Variants in ATP10D observed in about 807,000 individuals in gnomAD.
The protein encoded by ATP10D is ATPase phospholipid transporting 10D (putative), also known as phospholipid-transporting ATPase VD.
In ATP10D, 89 loss-of-function variants were observed where a neutral mutation model predicts 144.8. The observed-to-expected ratio is 0.61, with a 90% confidence interval of 0.52 to 0.73. The LOEUF is 0.73. ATP10D is among the 30% of genes least tolerant of loss of function. The probability of loss-of-function intolerance (pLI) is 0.00; values close to 1 mark genes in which losing one functional copy is unlikely to be tolerated. For synonymous variants in ATP10D, 571 were observed against 615.1 expected, an observed-to-expected ratio of 0.93 and a Z score of 1.06; for missense variants, 1,603 against 1,714.8, an observed-to-expected ratio of 0.93 and a Z score of 1.15.
At position 47,559,043 on chromosome 4, in the gene ATP10D, G is replaced by A; in HGVS notation, c.2541+14G>A. On this transcript the variant is annotated intron_variant, in intron 13 of 22. Coordinates refer to ENST00000273859, the MANE Select transcript of ATP10D (RefSeq NM_020453.4). Reference sequence around the variant, plus strand: ...ATAGCAAAGAAGGTGAGACTGCTTAGTGCGCTCCATCTTTTTTGTTTTTTC... The same window carrying A: ...ATAGCAAAGAAGGTGAGACTGCTTAATGCGCTCCATCTTTTTTGTTTTTTC... 2 of 1,593,390 alleles carry A rather than the reference G, an allele frequency of 1.3e-6. No individual in the cohort carries two copies. Among genetic ancestry groups the A allele is most frequent in the Non-Finnish European group, 1.7e-6 (2 of 1,164,100 alleles).
chr4:47,557,849 AC>A lies in ATP10D; in HGVS notation c.2012del (p.Pro671LeufsTer35). 1 of 1,614,178 alleles carries A rather than the reference AC, an allele frequency of 6.2e-7. No individual in the cohort carries two copies. Among genetic ancestry groups the A allele is most frequent in the Non-Finnish European group, 8.5e-7 (1 of 1,180,032 alleles). Reference sequence around the variant, plus strand: ...TCTTTAGTCGAATGAAACCAGCTTCACCTGTGGAGGAAGAGGTCTCCCAGGT... The same window carrying A: ...TCTTTAGTCGAATGAAACCAGCTTCACTGTGGAGGAAGAGGTCTCCCAGGT... ...PLFSRMKPASPVEEEVSQVCE... is the reference protein window; with the variant it reads ...PLFSRMKPASXVEEEVSQVCE... On this transcript the variant is annotated frameshift_variant, in exon 12 of 23. Coordinates refer to ENST00000273859, the MANE Select transcript of ATP10D (RefSeq NM_020453.4). LOFTEE classifies it high-confidence loss of function.
chr4:47,568,666 A>T (rs1358804160), intron 15 of ATP10D, among the ~76,000 whole-genome samples, 171 bp from the exon 16 acceptor site: 1 of 152,202 alleles, frequency 6.6e-6, no homozygotes, highest in Non-Finnish European at 1.5e-5. Flanking sequence ...CCATCCCCAC[A>T]TACACACAGA....
intron 1 of ATP10D, among the ~76,000 whole-genome samples, chr4:47,486,551 G>C: frequency 6.6e-6 from 1 of 152,178 alleles, no homozygotes; most frequent in Admixed American, 6.5e-5. Context: ...GAAAACCCTT[G>C]CTGACTTGTG....
At chr4:47,527,095 A>G (rs1475433835) in intron 5 of ATP10D, among the ~76,000 whole-genome samples, 1 of 152,178 alleles carries the variant, frequency 6.6e-6, no homozygotes, top group East Asian at 1.9e-4. Context: ...TCATTTTGGC[A>G]TAAAGATAGA....
At chr4:47,559,050 C>G (rs1424788152) in intron 13 of ATP10D, 21 bp downstream of exon 13, 2 of 1,587,110 alleles carry the variant, frequency 1.3e-6, no homozygotes, top group East Asian at 4.5e-5. Context: ...TTAGTGCGCT[C>G]CATCTTTTTT....
chr4:47,546,967 G>A lies in ATP10D; in HGVS notation c.1635+105G>A, dbSNP rs531052898. The A allele has an allele frequency of 2.8e-5, 30 of 1,081,954 alleles. No individual in the cohort carries two copies. The South Asian group carries it at 2.9e-4, about 11-fold the overall frequency. The allele number at this position is 1,081,954 out of a possible 1,614,324, so 67.0% of individuals were successfully genotyped here. On this transcript the variant is annotated intron_variant, in intron 10 of 22. Transcript: ENST00000273859. ...AAACTCTGTTGTCTTTTCTACCTTAGAAGAGACTACATGATTGCAGCTCAG... is the reference window on the plus strand; with the variant it reads ...AAACTCTGTTGTCTTTTCTACCTTAAAAGAGACTACATGATTGCAGCTCAG...
intron 5 of ATP10D, among the ~76,000 whole-genome samples, chr4:47,529,821 C>T (rs1175302625): frequency 6.6e-6 from 1 of 152,080 alleles, no homozygotes; most frequent in Non-Finnish European, 1.5e-5. Context: ...CTTCTTTAAT[C>T]AGTGTTTTGT....
rs1055612941 is a variant in ATP10D at position 47,592,460 on chromosome 4, T to C, written c.*1079T>C. Reference sequence around the variant, plus strand: ...TGAGGACAGGAATGTCTATAGCAAGTTTACTCCTATTGCGAATCATGTATG... The same window carrying C: ...TGAGGACAGGAATGTCTATAGCAAGCTTACTCCTATTGCGAATCATGTATG... On this transcript the variant is annotated 3_prime_UTR_variant, in exon 23 of 23. Transcript: ENST00000273859. 9 of 152,568 alleles carry C rather than the reference T, an allele frequency of 5.9e-5. No homozygotes were observed. Among genetic ancestry groups the C allele is most frequent in the African/African-American group, 2.2e-4 (9 of 41,450 alleles). 9.5% of individuals were successfully genotyped at this position (152,568 alleles called of 1,614,324 possible). A position where few individuals can be genotyped will look rare whatever the true frequency, so the allele number is the denominator to read the frequency against.
intron 19 of ATP10D, among the ~76,000 whole-genome samples, chr4:47,580,032 T>C (rs1477639563): frequency 6.6e-6 from 1 of 152,132 alleles, no homozygotes; most frequent in Non-Finnish European, 1.5e-5. Flanking sequence ...TGATGGTGAA[T>C]TGGAATGAAG....
intron 5 of ATP10D, among the ~76,000 whole-genome samples, chr4:47,529,233 G>GT: frequency 6.6e-6 from 1 of 152,150 alleles, no homozygotes; most frequent in East Asian, 1.9e-4. Context: ...GTCCAGAAGA[G>GT]TTTTTTCTGG....
chr4:47,554,807 A>C lies in ATP10D; in HGVS notation c.1717A>C (p.Thr573Pro), dbSNP rs1200969926. 3 of 1,613,968 alleles carry C rather than the reference A, an allele frequency of 1.9e-6. No individual in the cohort carries two copies. In the Admixed American group the frequency reaches 5.0e-5, roughly 27 times the overall value. ...TCGGCTCTTTATGCCACTAGATGAGACCATCCAAAATCCACCAATGGAAAC... is the reference window on the plus strand; with the variant it reads ...TCGGCTCTTTATGCCACTAGATGAGCCCATCCAAAATCCACCAATGGAAAC... ...TPRLFMPLDE[T>P]IQNPPMETLY... Residue 573 changes from threonine to proline, a missense_variant, in exon 11 of 23, where the codon ACC (threonine) becomes CCC (proline). By Grantham distance (38) the Thr-to-Pro change is conservative. Coordinates refer to ENST00000273859, the MANE Select transcript of ATP10D (RefSeq NM_020453.4).
chr4:47,502,950 C>T (rs1435924590), intron 1 of ATP10D, among the ~76,000 whole-genome samples: 2 of 152,138 alleles, frequency 1.3e-5, no homozygotes, highest in Non-Finnish European at 2.9e-5. Context: ...GCCTGTAATC[C>T]CAGTACTTTG....
chr4:47,491,320 CA>C, intron 1 of ATP10D: 1 of 865,856 alleles, frequency 1.2e-6, no homozygotes, highest in Non-Finnish European at 1.9e-6. Context: ...CCTTTTTGAA[CA>C]GTACCCATTC....
intron 15 of ATP10D, among the ~76,000 whole-genome samples, chr4:47,565,738 A>G (rs1269070179): frequency 6.6e-6 from 1 of 151,666 alleles, no homozygotes; most frequent in Non-Finnish European, 1.5e-5. Flanking sequence ...TTATAATGCA[A>G]TATATCCATA....
chr4:47,515,700 T>C (rs761342317), intron 3 of ATP10D, 30 bp downstream of exon 3: 11 of 1,493,474 alleles, frequency 7.4e-6, no homozygotes, highest in Non-Finnish European at 1.0e-5. Flanking sequence ...TGCTAAGGAC[T>C]ATGTATGTAT....
intron 15 of ATP10D, among the ~76,000 whole-genome samples, chr4:47,566,923 C>T (rs1719667866): frequency 6.6e-6 from 1 of 152,286 alleles, no homozygotes; most frequent in South Asian, 2.1e-4. Flanking sequence ...CCCCATAGGA[C>T]ACATCACAGC....
chr4:47,551,004 T>C (rs923594109), intron 10 of ATP10D, among the ~76,000 whole-genome samples: 6 of 152,262 alleles, frequency 3.9e-5, no homozygotes, highest in Non-Finnish European at 7.3e-5. Context: ...CCGGCTCCAA[T>C]GCCTGGGTTT....
chr4:47,520,134 C>T (rs975485789), intron 3 of ATP10D, among the ~76,000 whole-genome samples: 8 of 152,178 alleles, frequency 5.3e-5, no homozygotes, highest in African/African-American at 1.9e-4. Context: ...AAATTCCTAA[C>T]CCAAATGTCA....
At chr4:47,556,447 T>C (rs1024307328) in intron 11 of ATP10D, among the ~76,000 whole-genome samples, 1 of 152,228 alleles carries the variant, frequency 6.6e-6, no homozygotes, top group African/African-American at 2.4e-5. Context: ...ATAAATCTGT[T>C]CCCAAAGTAA....
Sources: allele counts gnomAD v4.1 joint callset (sites outside exome capture counted in the v4.1 genomes callset), GRCh38; gene constraint gnomAD v4.1.1; transcripts MANE v1.5; gene names NCBI Gene and HGNC (gene_info 2026-07-23, HGNC 2026-07-21).